The following GPM6A variants were observed in gnomAD, a reference collection of about 807,000 sequenced individuals.
The protein encoded by GPM6A is glycoprotein M6A.
A neutral mutation model predicts 32.1 loss-of-function variants in GPM6A; 7 were observed. The ratio of observed to expected loss-of-function variants is 0.22; its 90% confidence interval spans 0.12 to 0.41. The LOEUF is 0.41. Ranked by LOEUF, GPM6A falls within the 10% of genes least tolerant of loss-of-function variation. The probability of loss-of-function intolerance (pLI) is 1.00; values close to 1 mark genes in which losing one functional copy is unlikely to be tolerated. For missense variants in GPM6A, 235 were observed against 347.2 expected, an observed-to-expected ratio of 0.68 and a Z score of 2.57; for synonymous variants, 130 against 123.4, an observed-to-expected ratio of 1.05 and a Z score of -0.35.
At chr4:175,662,950 T>C (rs370782519) in intron 3 of GPM6A, among the ~76,000 whole-genome samples, 21 of 152,122 alleles carry the variant, frequency 1.4e-4, no homozygotes, top group African/African-American at 4.6e-4. Flanking sequence ...ATATATAAAA[T>C]CATTAAGTAA....
chr4:175,701,131 A>T (rs1403423464), intron 2 of GPM6A, among the ~76,000 whole-genome samples: 1 of 152,222 alleles, frequency 6.6e-6, no homozygotes, highest in Non-Finnish European at 1.5e-5. Flanking sequence ...TAAATGTAAC[A>T]GCAACAGTAA....
intron 1 of GPM6A, among the ~76,000 whole-genome samples, chr4:175,795,005 A>T (rs867131438): frequency 6.6e-6 from 1 of 152,252 alleles, no homozygotes; most frequent in Admixed American, 6.5e-5. Flanking sequence ...CATAATAAAG[A>T]CAACCTCAAT....
In GPM6A at chr4:175,800,219, T is replaced by C. The variant is rs528658171; in HGVS notation, c.37+11972A>G. On this transcript the variant is annotated intron_variant, in intron 1 of 6. Transcript: ENST00000393658. ...ACTGAAGAGCAATCTTATTTAAGAA[T>C]GTGCAAAGTAAAAATAAATAGCTTA... Among the ~76,000 whole-genome samples, 4 of 152,236 alleles carry C rather than the reference T, an allele frequency of 2.6e-5. No homozygotes were observed. The East Asian group carries it at 7.7e-4, about 29-fold the overall frequency.
chr4:175,958,457 C>A (rs1740058497), intron 1 of GPM6A, among the ~76,000 whole-genome samples: 1 of 152,208 alleles, frequency 6.6e-6, no homozygotes, highest in Non-Finnish European at 1.5e-5. Flanking sequence ...AGCCACTACC[C>A]TTGAGAACCA....
At chr4:175,780,379 G>A (rs1290412365) in intron 1 of GPM6A, among the ~76,000 whole-genome samples, 2 of 152,086 alleles carry the variant, frequency 1.3e-5, no homozygotes, top group African/African-American at 4.8e-5. Flanking sequence ...TCACTTGCAT[G>A]AACTTCTGAT....
chr4:175,981,117 C>A (rs1740803544), intron 1 of GPM6A, among the ~76,000 whole-genome samples: 1 of 151,982 alleles, frequency 6.6e-6, no homozygotes, highest in East Asian at 1.9e-4. Context: ...TATTGTTAAT[C>A]TTTTAAAAAC....
At chr4:175,744,235 T>C (rs1732005825) in intron 1 of GPM6A, among the ~76,000 whole-genome samples, 1 of 152,040 alleles carries the variant, frequency 6.6e-6, no homozygotes, top group East Asian at 1.9e-4. Flanking sequence ...ATGTTCAATT[T>C]AAGCAATGTA....
intron 1 of GPM6A, among the ~76,000 whole-genome samples, chr4:175,785,039 TG>T (rs1733744730): frequency 6.6e-6 from 1 of 152,194 alleles, no homozygotes; most frequent in Non-Finnish European, 1.5e-5. Context: ...TCCTTGAAGC[TG>T]GGCTAGCTTG....
At chr4:175,668,542 T>TGTGTGTGTG (rs1560863089) in intron 3 of GPM6A, among the ~76,000 whole-genome samples, 8 of 151,634 alleles carry the variant, frequency 5.3e-5, no homozygotes, top group East Asian at 1.9e-4. Context: ...TGTGTGTGTG[T>TGTGTGTGTG]TTATTTTAAA....
At chr4:175,817,154 C>A (rs1735132098), upstream of GPM6A, among the ~76,000 whole-genome samples, 1 of 152,122 alleles carries the variant, frequency 6.6e-6, no homozygotes, top group Non-Finnish European at 1.5e-5. Flanking sequence ...CACCGCCCCG[C>A]GGCCAACATT....
chr4:175,794,653 T>C (rs191962826), intron 1 of GPM6A, among the ~76,000 whole-genome samples: 233 of 152,278 alleles, frequency 1.5e-3, no homozygotes, highest in African/African-American at 5.4e-3. Context: ...TTGCATGACT[T>C]ATGATGAATA....
chr4:175,922,239 C>T (rs13102520), intron 1 of GPM6A, among the ~76,000 whole-genome samples: 82,616 of 152,026 alleles, frequency 0.54, 26,525 homozygotes, highest in Non-Finnish European at 0.7. Context: ...CAAGCTAAAG[C>T]AGTGTTTAGG....
chr4:175,673,623 C>A, intron 3 of GPM6A, 57 bp downstream of exon 3: 7 of 1,255,726 alleles, frequency 5.6e-6, no homozygotes, highest in South Asian at 3.5e-5. Flanking sequence ...AATGCAAACA[C>A]CTGTGTGCTA....
At chr4:175,648,598 CA>C (rs1240252741) in intron 4 of GPM6A, among the ~76,000 whole-genome samples, 1 of 152,128 alleles carries the variant, frequency 6.6e-6, no homozygotes, top group Non-Finnish European at 1.5e-5. Flanking sequence ...TTCTGGAAGA[CA>C]AAGCTAAAAC....
intron 1 of GPM6A, among the ~76,000 whole-genome samples, chr4:175,981,506 C>T (rs955659914): frequency 6.6e-6 from 1 of 152,112 alleles, no homozygotes; most frequent in Non-Finnish European, 1.5e-5. Context: ...CCTTTAGAGT[C>T]TGGCTTCTTT....
chr4:175,670,004 GA>G lies in GPM6A; in HGVS notation c.387+3675del, dbSNP rs533205454. 2.1e-3 allele frequency among the ~76,000 whole-genome samples: 299 copies of G among 143,238 alleles called. 2 individuals are homozygous for G. The South Asian group carries it at 0.024, about 11-fold the overall frequency. The allele number at this position is 143,238 out of a possible 152,430, so 94.0% of individuals were successfully genotyped here. A position where few individuals can be genotyped will look rare whatever the true frequency, so the allele number is the denominator to read the frequency against. On this transcript the variant is annotated intron_variant, in intron 3 of 6. Coordinates refer to ENST00000393658, the MANE Select transcript of GPM6A (RefSeq NM_201591.3). ...ACCGGGTGTTCTTTACAGCCCTCAG[GA>G]AAAAAAAAAAATCAACCCGGTGACA...
intron 1 of GPM6A, among the ~76,000 whole-genome samples, chr4:175,836,960 A>G (rs1339417282): frequency 2.0e-5 from 3 of 152,184 alleles, no homozygotes; most frequent in African/African-American, 7.2e-5. Flanking sequence ...ATATTACTTC[A>G]CATAGCAAGA....
At chr4:175,894,690 C>T (rs1473523119) in intron 1 of GPM6A, among the ~76,000 whole-genome samples, 1 of 152,022 alleles carries the variant, frequency 6.6e-6, no homozygotes. Flanking sequence ...AATAGTAAAA[C>T]CACAGAAACC....
chr4:175,878,195 C>A (rs115876135), intron 1 of GPM6A, among the ~76,000 whole-genome samples: 2,098 of 152,306 alleles, frequency 0.014, 51 homozygotes, highest in African/African-American at 0.048. Flanking sequence ...ATGTCTACAG[C>A]TTTTCCAGGT....
Sources: allele counts gnomAD v4.1 joint callset (sites outside exome capture counted in the v4.1 genomes callset), GRCh38; gene constraint gnomAD v4.1.1; transcripts MANE v1.5; gene names NCBI Gene and HGNC (gene_info 2026-07-23, HGNC 2026-07-21).